AFTPH: variants seen among roughly 807,000 people sequenced by gnomAD.
AFTPH encodes aftiphilin.
AFTPH carries 7 observed loss-of-function variants against 72.5 expected under a neutral mutation model. The observed-to-expected ratio is 0.10, with a 90% CI of 0.05 to 0.18. The LOEUF (loss-of-function observed/expected upper bound fraction) is 0.18, where lower values mean the gene tolerates loss of function less well. AFTPH is among the 10% of genes least tolerant of loss of function. The pLI is 1.00. For synonymous variants in AFTPH, 337 were observed against 370.1 expected (o/e 0.91, Z 1.03); for missense variants, 979 against 1,060.5 (o/e 0.92, Z 1.07).
chr2:64,561,513 CAAAAAAT>C (rs986578332), intron 2 of AFTPH, among the ~76,000 whole-genome samples: 22 of 151,952 alleles, frequency 1.4e-4, no homozygotes, highest in African/African-American at 5.3e-4. Context: ...GCCATCTCTA[CAAAAAAT>C]AAAAAATAAA....
chr2:64,574,734 G>GTTGGGCAGCAGACAAAGTGGC (rs1420334967), intron 6 of AFTPH, among the ~76,000 whole-genome samples: 1 of 152,214 alleles, frequency 6.6e-6, no homozygotes, highest in Non-Finnish European at 1.5e-5. Context: ...GGCCTTGATG[G>GTTGGGCAGCAGACAAAGTGGC]TTGGGCAGCA....
chr2:64,547,871 G>T (rs1670745798), intron 1 of AFTPH, among the ~76,000 whole-genome samples: 1 of 151,950 alleles, frequency 6.6e-6, no homozygotes, highest in Non-Finnish European at 1.5e-5. Context: ...CTGCAGCCTT[G>T]ACTTCCTGGA....
intron 5 of AFTPH, among the ~76,000 whole-genome samples, chr2:64,570,594 C>T (rs909175558): frequency 1.3e-5 from 2 of 151,976 alleles, no homozygotes; most frequent in Non-Finnish European, 2.9e-5. Context: ...TTTGATGATC[C>T]CCACATTGTT....
At chr2:64,564,068 T>C (rs1319815180) in intron 2 of AFTPH, among the ~76,000 whole-genome samples, 1 of 152,224 alleles carries the variant, frequency 6.6e-6, no homozygotes, top group African/African-American at 2.4e-5. Flanking sequence ...TAAGAGACTC[T>C]TAAAAATAGA....
At chr2:64,569,792 C>A in intron 5 of AFTPH, 113 bp downstream of exon 5, 1 of 959,728 alleles carries the variant, frequency 1.0e-6, no homozygotes, top group South Asian at 1.4e-5. Context: ...GTGTTGGAAT[C>A]TGAAGGGTAT....
chr2:64,524,624 C>A lies in AFTPH; in HGVS notation c.-33+12C>A, dbSNP rs760693239. The A allele has an allele frequency of 1.0e-5, 4 of 397,746 alleles. No homozygotes were observed. Among genetic ancestry groups the A allele is most frequent in the Non-Finnish European group, 1.8e-5 (4 of 225,780 alleles). The allele number at this position is 397,746 out of a possible 1,614,324, so 24.6% of individuals were successfully genotyped here. A position where few individuals can be genotyped will look rare whatever the true frequency, so the allele number is the denominator to read the frequency against. ...CCCGAAGGAGCCAGGTAAGCGCCGC[C>A]GCTCCGCTCCCCTAGCTGCGCCGGG... On this transcript the variant is annotated intron_variant, in intron 1 of 8. Coordinates refer to ENST00000238856, the Ensembl canonical transcript of AFTPH.
intron 2 of AFTPH, among the ~76,000 whole-genome samples, chr2:64,556,822 A>T (rs1671407926): frequency 6.6e-6 from 1 of 152,248 alleles, no homozygotes; most frequent in African/African-American, 2.4e-5. Context: ...TAAAAGCCAT[A>T]TATGAACATT....
exon 2 of AFTPH, chr2:64,552,488 A>C: frequency 1.2e-6 from 2 of 1,614,100 alleles, no homozygotes; most frequent in African/African-American, 1.3e-5. Context: ...GGAGTTTGGT[A>C]GACTCAGCTG....
At chr2:64,529,710 G>A (rs1669508936) in intron 1 of AFTPH, among the ~76,000 whole-genome samples, 1 of 150,948 alleles carries the variant, frequency 6.6e-6, no homozygotes. Context: ...GCTCACTGCA[G>A]CACAGACCTC....
intron 1 of AFTPH, among the ~76,000 whole-genome samples, chr2:64,541,083 A>G (rs964282020): frequency 7.2e-5 from 11 of 152,130 alleles, no homozygotes; most frequent in Non-Finnish European, 1.2e-4. Flanking sequence ...GGATTACTTA[A>G]CCTCTTTGAG....
chr2:64,569,419 A>G (rs1288378868), intron 4 of AFTPH, among the ~76,000 whole-genome samples: 1 of 152,220 alleles, frequency 6.6e-6, no homozygotes, highest in African/African-American at 2.4e-5. Flanking sequence ...TTTTTAGAAA[A>G]AATTGTTTTA....
chr2:64,553,744 G>T (rs1470164476), intron 2 of AFTPH, among the ~76,000 whole-genome samples: 1 of 147,566 alleles, frequency 6.8e-6, no homozygotes, highest in Non-Finnish European at 1.5e-5. Flanking sequence ...CTAATTGACG[G>T]TTCCAGTCAA....
At chr2:64,540,568 C>G (rs550173759) in intron 1 of AFTPH, among the ~76,000 whole-genome samples, 3 of 152,086 alleles carry the variant, frequency 2.0e-5, no homozygotes, top group Non-Finnish European at 4.4e-5. Context: ...ACCAACTTCT[C>G]TCAAATAACT....
rs534375151 is a variant in AFTPH, at chr2:64,527,245, TTTTTCTCCCTAAGG to T, written c.-33+2637_-33+2650del. ...GGTTACTGGCTCATTCATTATGGCTTTTTTCTCCCTAAGGTTTGCATGAAGTTCTTCACAATGAA... is the reference window on the plus strand; with the variant it reads ...GGTTACTGGCTCATTCATTATGGCTTTTTGCATGAAGTTCTTCACAATGAA... On this transcript the variant is annotated intron_variant, in intron 1 of 8. Coordinates refer to ENST00000238856, the Ensembl canonical transcript of AFTPH. Among the ~76,000 whole-genome samples the T allele has an allele frequency of 1.2e-4, 18 of 152,308 alleles. No individual in the cohort carries two copies. In the East Asian group the frequency reaches 2.1e-3, roughly 18 times the overall value.
intron 1 of AFTPH, among the ~76,000 whole-genome samples, chr2:64,535,727 G>A (rs1669848871): frequency 6.6e-6 from 1 of 151,906 alleles, no homozygotes; most frequent in South Asian, 2.1e-4. Flanking sequence ...GGCTTAGTCA[G>A]TGGGTTCTTT....
In AFTPH at chr2:64,551,965, A is replaced by C. The variant is rs889495938; in HGVS notation, c.491A>C (p.Gln164Pro). The change falls in exon 2 of 9, where the codon CAA becomes CCA. Residue 164 changes from glutamine to proline, a missense_variant. Around this residue, in one of 3 missense-constraint regions of AFTPH, gnomAD observed 498 missense variants for 467.6 expected, o/e 1.06. Coordinates refer to ENST00000238856, the Ensembl canonical transcript of AFTPH. ...AGAACTAATATGAATGTTGTTCATC[A>C]AAACAAGCAGTTAGAGAGCTGCAAT... 2.5e-6 allele frequency: 4 copies of C among 1,613,610 alleles called. No individual in the cohort carries two copies. In the African/African-American group the frequency reaches 4.0e-5, roughly 16 times the overall value.
At chr2:64,574,198 A>G (rs1018865626) in intron 6 of AFTPH, among the ~76,000 whole-genome samples, 1 of 152,212 alleles carries the variant, frequency 6.6e-6, no homozygotes, top group African/African-American at 2.4e-5. Context: ...TATTCTTGCC[A>G]TGTTTTGTCA....
exon 2 of AFTPH, chr2:64,552,708 G>C: frequency 6.2e-7 from 1 of 1,614,130 alleles, no homozygotes; most frequent in Non-Finnish European, 8.5e-7. Flanking sequence ...TTCTTTAAGT[G>C]TAAAAAATGG....
intron 1 of AFTPH, among the ~76,000 whole-genome samples, chr2:64,543,643 A>C (rs1433129137): frequency 6.6e-6 from 1 of 152,164 alleles, no homozygotes; most frequent in Non-Finnish European, 1.5e-5. Flanking sequence ...TTTCCCCACC[A>C]CACTGCAGTG....
Sources: allele counts gnomAD v4.1 joint callset (sites outside exome capture counted in the v4.1 genomes callset), GRCh38; gene constraint gnomAD v4.1.1; regional missense constraint gnomAD v4.1.1; transcripts MANE v1.5; gene names NCBI Gene and HGNC (gene_info 2026-07-23, HGNC 2026-07-21).